NTM: variants seen among roughly 807,000 people sequenced by gnomAD.
The protein encoded by NTM is neurotrimin, also known as IgLON family member 2.
NTM carries 13 observed loss-of-function variants against 42.1 expected under a neutral mutation model. That is an observed-to-expected ratio of 0.31 (90% confidence interval 0.20 to 0.49). The LOEUF (loss-of-function observed/expected upper bound fraction) is 0.49. Ranked by LOEUF, NTM falls within the 20% of genes least tolerant of loss-of-function variation. The probability of loss-of-function intolerance (pLI) is 0.99; values close to 1 mark genes in which losing one functional copy is unlikely to be tolerated. For missense variants in NTM, 373 were observed against 452.8 expected (o/e 0.82, Z 1.60); for synonymous variants, 187 against 179.2 (o/e 1.04, Z -0.35).
At chr11:131,410,572 T>TG (rs1946295596) in intron 1 of NTM, among the ~76,000 whole-genome samples, 1 of 134,246 alleles carries the variant, frequency 7.4e-6, no homozygotes, top group Non-Finnish European at 1.6e-5. Flanking sequence ...GTCATTTCGG[T>TG]GGGCCATGTC....
intron 1 of NTM, among the ~76,000 whole-genome samples, chr11:131,823,128 G>T (rs2093261058): frequency 6.6e-6 from 1 of 152,180 alleles, no homozygotes; most frequent in Non-Finnish European, 1.5e-5. Context: ...GAAAGGAAAG[G>T]ACAGTTATAT....
chr11:131,806,708 C>T (rs2092505677), intron 1 of NTM, among the ~76,000 whole-genome samples: 1 of 152,120 alleles, frequency 6.6e-6, no homozygotes. Flanking sequence ...GCTCTTCACA[C>T]ACATCTCACC....
chr11:131,863,408 C>T (rs1397093195), intron 1 of NTM, among the ~76,000 whole-genome samples: 3 of 152,158 alleles, frequency 2.0e-5, no homozygotes, highest in Non-Finnish European at 4.4e-5. Context: ...CCTCCTGACT[C>T]CACTGTGCAG....
At chr11:131,489,338 CT>C (rs1350051544) in intron 1 of NTM, among the ~76,000 whole-genome samples, 2 of 152,150 alleles carry the variant, frequency 1.3e-5, no homozygotes, top group African/African-American at 4.8e-5. Context: ...TTCCTTATCC[CT>C]TTATTCAACC....
In NTM at chr11:131,912,416, G is replaced by A. The variant is rs186615519; in HGVS notation, c.167+768G>A. On this transcript the variant is annotated intron_variant, in intron 2 of 8. Transcript: ENST00000683400. The stretch of plus-strand genomic sequence containing the variant: ...GGGTTAAGGCTTACAGGCACTGGGG[G>A]AGGAGAAGAAGAAGAATCTTGGTTA... Among the ~76,000 whole-genome samples, 880 of 131,132 alleles carry A rather than the reference G, an allele frequency of 6.7e-3. 6 individuals are homozygous for A. The highest frequency in any genetic ancestry group is 0.033 in the South Asian group (129 of 3,874). 86.0% of individuals were successfully genotyped at this position (131,132 alleles called of 152,430 possible). A position where few individuals can be genotyped will look rare whatever the true frequency, so the allele number is the denominator to read the frequency against.
rs774212449 is a variant in NTM, at chr11:131,789,420, A to G, written c.83-122144A>G. Among the ~76,000 whole-genome samples the G allele has an allele frequency of 6.5e-4, 32 of 49,064 alleles. 3 individuals are homozygous for G. The highest frequency in any genetic ancestry group is 3.0e-3 in the African/African-American group (30 of 9,918). 32.2% of individuals were successfully genotyped at this position (49,064 alleles called of 152,430 possible). On this transcript the variant is annotated intron_variant, in intron 1 of 8. Coordinates refer to ENST00000683400, the MANE Select transcript of NTM (RefSeq NM_001352005.2). ...AAGTATTGCTGCAGTTAAAAGAAAA[A>G]AAGAAGAAGGAAGAAGAAGAAGAAG...
chr11:131,928,289 T>C (rs989229918), intron 2 of NTM, among the ~76,000 whole-genome samples: 1 of 152,222 alleles, frequency 6.6e-6, no homozygotes, highest in Non-Finnish European at 1.5e-5. Context: ...ATAATTACAT[T>C]AAGACAAGAT....
intron 1 of NTM, among the ~76,000 whole-genome samples, chr11:131,817,933 G>A (rs930644946): frequency 8.5e-5 from 13 of 152,232 alleles, no homozygotes; most frequent in African/African-American, 3.1e-4. Flanking sequence ...GCACCACTTA[G>A]TCTTTATAAA....
intron 1 of NTM, among the ~76,000 whole-genome samples, chr11:131,418,882 C>A (rs2135809715): frequency 6.6e-6 from 1 of 152,308 alleles, no homozygotes; most frequent in African/African-American, 2.4e-5. Context: ...CACCAAATCT[C>A]CTATGCATTA....
chr11:131,865,779 C>T (rs549082730), intron 1 of NTM, among the ~76,000 whole-genome samples: 3,696 of 146,852 alleles, frequency 0.025, 339 homozygotes, highest in African/African-American at 0.095. Context: ...TACATACACA[C>T]ATGCTACACA....
intron 1 of NTM, among the ~76,000 whole-genome samples, chr11:131,840,452 T>C (rs1592209699): frequency 6.6e-6 from 1 of 151,856 alleles, no homozygotes; most frequent in Non-Finnish European, 1.5e-5. Context: ...TAAGAGGAGG[T>C]CTGAGGATCG....
At chr11:131,752,387 C>T (rs1425716546) in intron 1 of NTM, among the ~76,000 whole-genome samples, 2 of 152,160 alleles carry the variant, frequency 1.3e-5, no homozygotes, top group Non-Finnish European at 2.9e-5. Context: ...AGTCAGGAAA[C>T]AACAGGTGCT....
chr11:131,640,110 C>T lies in NTM; in HGVS notation c.82+269222C>T, dbSNP rs77255931. Among the ~76,000 whole-genome samples, 38 of 152,274 alleles carry T rather than the reference C, an allele frequency of 2.5e-4. No individual in the cohort carries two copies. In the East Asian group the frequency reaches 6.6e-3, roughly 26 times the overall value. ...GGCAGAGAAGCTCCAATTCTGAGAA[C>T]GTCTTTTTGTTTTCTTTCTTCTGTG... On this transcript the variant is annotated intron_variant, in intron 1 of 8. Transcript: ENST00000683400.
chr11:131,875,112 C>T (rs1212602252), intron 1 of NTM, among the ~76,000 whole-genome samples: 1 of 152,178 alleles, frequency 6.6e-6, no homozygotes, highest in Non-Finnish European at 1.5e-5. Context: ...CTACTTAAAC[C>T]CCATGAGCCT....
At chr11:131,710,101 G>A (rs995224943) in intron 1 of NTM, among the ~76,000 whole-genome samples, 2 of 152,112 alleles carry the variant, frequency 1.3e-5, no homozygotes, top group African/African-American at 4.8e-5. Flanking sequence ...GTCAAAGAGG[G>A]GGTGGAGCAG....
At chr11:131,761,101 C>G (rs573285852) in intron 1 of NTM, among the ~76,000 whole-genome samples, 1 of 152,200 alleles carries the variant, frequency 6.6e-6, no homozygotes, top group African/African-American at 2.4e-5. Context: ...GGACAGAACT[C>G]TTGATGAAAA....
At chr11:132,031,347 A>C (rs1016457782) in intron 2 of NTM, among the ~76,000 whole-genome samples, 1 of 152,204 alleles carries the variant, frequency 6.6e-6, no homozygotes, top group African/African-American at 2.4e-5. Flanking sequence ...GGACCATGAG[A>C]ATAGACTCCA....
chr11:131,623,778 T>C (rs1296766555), intron 1 of NTM, among the ~76,000 whole-genome samples: 1 of 152,244 alleles, frequency 6.6e-6, no homozygotes, highest in Non-Finnish European at 1.5e-5. Context: ...GCACCCAATG[T>C]GTAGGCTGGG....
intron 1 of NTM, among the ~76,000 whole-genome samples, chr11:131,793,641 C>T (rs2091220701): frequency 6.6e-6 from 1 of 152,188 alleles, no homozygotes; most frequent in East Asian, 1.9e-4. Flanking sequence ...TTCAGGTTTA[C>T]AAGGTGGAAG....
Sources: allele counts gnomAD v4.1 joint callset (sites outside exome capture counted in the v4.1 genomes callset), GRCh38; gene constraint gnomAD v4.1.1; transcripts MANE v1.5; gene names NCBI Gene and HGNC (gene_info 2026-07-23, HGNC 2026-07-21).